The following NME1 variants were observed in gnomAD, a reference collection of about 807,000 sequenced individuals.
The protein encoded by NME1 is NME/NM23 nucleoside diphosphate kinase 1.
In NME1, 9 loss-of-function variants were observed where a neutral mutation model predicts 17.2. The observed-to-expected ratio is 0.52, with a 90% CI of 0.32 to 0.92. The LOEUF is 0.92. Ranked by LOEUF, NME1 falls within the 40% of genes least tolerant of loss-of-function variation. The pLI, the probability that NME1 is intolerant of heterozygous loss-of-function variation, is 0.04. For missense variants in NME1, 169 were observed against 201.7 expected, an observed-to-expected ratio of 0.84 and a Z score of 0.98; for synonymous variants, 72 against 70.8, an observed-to-expected ratio of 1.02 and a Z score of -0.09.
In NME1 at chr17:51,154,266, G is replaced by A. The variant is rs11556835; in HGVS notation, c.-5+604G>A. ...CCATAGAGTCTCTACACAGGACTAAGTCAGCCTGGTGTGCAGGGGAGGCAG... is the reference window on the plus strand; with the variant it reads ...CCATAGAGTCTCTACACAGGACTAAATCAGCCTGGTGTGCAGGGGAGGCAG... On this transcript the variant is annotated intron_variant, in intron 1 of 4. Coordinates refer to ENST00000393196, the MANE Select transcript of NME1 (RefSeq NM_000269.3). 0.5 allele frequency: 486,886 copies of A among 980,686 alleles called. 123,333 individuals carry two copies. The highest frequency in any genetic ancestry group is 0.67 in the African/African-American group (42,044 of 62,730). 60.7% of individuals were successfully genotyped at this position (980,686 alleles called of 1,614,324 possible). A position where few individuals can be genotyped will look rare whatever the true frequency, so the allele number is the denominator to read the frequency against.
chr17:51,157,588 A>T (rs949417093), intron 2 of NME1, among the ~76,000 whole-genome samples: 2 of 152,110 alleles, frequency 1.3e-5, no homozygotes, highest in Admixed American at 6.5e-5. Context: ...CATGAGATGG[A>T]TGTGTTGTTG....
chr17:51,158,794 C>G (rs1358037454), intron 2 of NME1, among the ~76,000 whole-genome samples: 2 of 152,216 alleles, frequency 1.3e-5, no homozygotes, highest in African/African-American at 4.8e-5. Flanking sequence ...ATATGCAGTA[C>G]AAGAGAGAAC....
In NME1 at chr17:51,161,982, C is replaced by A; in HGVS notation, c.*137C>A. ...GGAAGCTCTTGGAGCTGTGAGTTCT[C>A]CCTGTACAGTGTTACCATCCCCGAC... On this transcript the variant is annotated 3_prime_UTR_variant, in exon 5 of 5. Coordinates refer to ENST00000393196, the MANE Select transcript of NME1 (RefSeq NM_000269.3). 5.7e-6 allele frequency: 4 copies of A among 697,268 alleles called. 1 individual carries two copies. The Middle Eastern group carries it at 1.2e-3, about 212-fold the overall frequency. 43.2% of individuals were successfully genotyped at this position (697,268 alleles called of 1,614,324 possible).
At position 51,154,210 on chromosome 17, in the gene NME1, C is replaced by T. The variant is rs749631253; in HGVS notation, c.-5+548C>T. The T allele has an allele frequency of 2.2e-5, 14 of 623,698 alleles. 1 individual carries two copies. Among genetic ancestry groups the T allele is most frequent in the Non-Finnish European group, 4.2e-5 (14 of 335,802 alleles). 38.6% of individuals were successfully genotyped at this position (623,698 alleles called of 1,614,324 possible). A position where few individuals can be genotyped will look rare whatever the true frequency, so the allele number is the denominator to read the frequency against. On this transcript the variant is annotated intron_variant, in intron 1 of 4. Transcript: ENST00000393196. ...ATGGTGATAAATGATTTTCTTTGCT[C>T]CTATTGACTGCTAGGCCCTGTGGCT...
At chr17:51,159,052 C>T (rs2049826989) in intron 2 of NME1, among the ~76,000 whole-genome samples, 1 of 152,168 alleles carries the variant, frequency 6.6e-6, no homozygotes, top group Non-Finnish European at 1.5e-5. Context: ...GTTTAGTTTG[C>T]TGCTCATTAA....
chr17:51,153,842 C>G (rs538136649), intron 1 of NME1, 180 bp downstream of exon 1: 1 of 167,124 alleles, frequency 6.0e-6, no homozygotes, highest in East Asian at 1.7e-4. Flanking sequence ...CGTCCCACGC[C>G]ACGTGGACTC....
Position 51,162,024 on chromosome 17 carries a change from T to G in NME1, c.*179T>G, listed in dbSNP as rs1009282303. 1.4e-5 allele frequency: 8 copies of G among 590,250 alleles called. No individual in the cohort carries two copies. The African/African-American group carries it at 1.5e-4, about 11-fold the overall frequency. The allele number at this position is 590,250 out of a possible 1,614,324, so 36.6% of individuals were successfully genotyped here. ...ATCCCCGACCATCTGATTAAAATGC[T>G]TCCTCCCAGCATAGGATTCATTGAG... is the stretch of plus-strand genomic sequence containing the variant. On this transcript the variant is annotated 3_prime_UTR_variant, in exon 5 of 5. Coordinates refer to ENST00000393196, the MANE Select transcript of NME1 (RefSeq NM_000269.3).
Position 51,155,216 on chromosome 17 carries a change from T to C in NME1, c.-4-435T>C, listed in dbSNP as rs1016619360. Reference sequence around the variant, plus strand: ...AAGGTCGCACCACTGCACTCCATCCTGGGCGAAAGAGCAAGACTCCATACC... The same window carrying C: ...AAGGTCGCACCACTGCACTCCATCCCGGGCGAAAGAGCAAGACTCCATACC... On this transcript the variant is annotated intron_variant, in intron 1 of 4. Coordinates refer to ENST00000393196, the MANE Select transcript of NME1 (RefSeq NM_000269.3). 4.3e-5 allele frequency among the ~76,000 whole-genome samples: 6 copies of C among 139,348 alleles called. No individual in the cohort carries two copies. In the Admixed American group the frequency reaches 4.7e-4, roughly 11 times the overall value. The allele number at this position is 139,348 out of a possible 152,430, so 91.4% of individuals were successfully genotyped here. A position where few individuals can be genotyped will look rare whatever the true frequency, so the allele number is the denominator to read the frequency against.
chr17:51,160,903 C>T (rs1308386820), intron 3 of NME1, among the ~76,000 whole-genome samples: 1 of 152,120 alleles, frequency 6.6e-6, no homozygotes, highest in Non-Finnish European at 1.5e-5. Flanking sequence ...AGCCACTGCG[C>T]CCTGCCCACA....
rs138270461 is a variant in NME1 at position 51,161,188 on chromosome 17, C to T, written c.257C>T (p.Thr86Met). 147 of 1,612,144 alleles carry T rather than the reference C, an allele frequency of 9.1e-5. 3 individuals are homozygous for T. In the African/African-American group the frequency reaches 1.2e-3, roughly 14 times the overall value. Reference sequence around the variant, plus strand: ...TGGGAGGGGCTGAATGTGGTGAAGACGGGCCGAGTCATGCTCGGGGAGACC... The same window carrying T: ...TGGGAGGGGCTGAATGTGGTGAAGATGGGCCGAGTCATGCTCGGGGAGACC... ...MVWEGLNVVK[T>M]GRVMLGETNP... Residue 86 changes from threonine (T) to methionine (M), a missense_variant, in exon 4 of 5, where the codon ACG (threonine) becomes ATG (methionine). Physicochemically the swap from Thr to Met is moderately conservative, Grantham distance 81. Transcript: ENST00000393196.
Position 51,162,039 on chromosome 17 carries a change from G to C in NME1, c.*194G>C. On this transcript the variant is annotated 3_prime_UTR_variant, in exon 5 of 5. Coordinates refer to ENST00000393196, the MANE Select transcript of NME1 (RefSeq NM_000269.3). ...ATTAAAATGCTTCCTCCCAGCATAG[G>C]ATTCATTGAGTTGGTTACTTCATAT... 3.5e-6 allele frequency: 2 copies of C among 568,078 alleles called. No homozygotes were observed. Among genetic ancestry groups the C allele is most frequent in the Non-Finnish European group, 6.3e-6 (2 of 316,350 alleles). 35.2% of individuals were successfully genotyped at this position (568,078 alleles called of 1,614,324 possible). A position where few individuals can be genotyped will look rare whatever the true frequency, so the allele number is the denominator to read the frequency against.
rs896186372 is a variant in NME1 at position 51,155,941 on chromosome 17, A to C, written c.126+161A>C. On this transcript the variant is annotated intron_variant, in intron 2 of 4. Transcript: ENST00000393196. ...CTCCTCAGTGCCCTAGCGTTTGGCTACATCTTGGAACAAACCAAGTTATTT... is the reference window on the plus strand; with the variant it reads ...CTCCTCAGTGCCCTAGCGTTTGGCTCCATCTTGGAACAAACCAAGTTATTT... 8 of 1,103,222 alleles carry C rather than the reference A, an allele frequency of 7.3e-6. No homozygotes were observed. The African/African-American group carries it at 1.1e-4, about 15-fold the overall frequency. 68.3% of individuals were successfully genotyped at this position (1,103,222 alleles called of 1,614,324 possible).
chr17:51,161,355 C>A, intron 4 of NME1, 83 bp downstream of exon 4: 1 of 1,239,154 alleles, frequency 8.1e-7, no homozygotes, highest in Non-Finnish European at 1.2e-6. Flanking sequence ...TGGAGGTAGA[C>A]ATGATACCAT....
chr17:51,154,294 A>C, intron 1 of NME1: 1 of 1,341,054 alleles, frequency 7.5e-7, no homozygotes, highest in Admixed American at 1.7e-5. Context: ...GGAGGCAGAC[A>C]CACAAACAGA....
At chr17:51,161,533 C>T (rs1039857279) in intron 4 of NME1, 195 bp from the exon 5 acceptor site, 10 of 670,928 alleles carry the variant, frequency 1.5e-5, no homozygotes, top group Admixed American at 4.8e-5. Context: ...TTTGCACCAG[C>T]GTGGCCGGGA....
chr17:51,157,317 A>C (rs899097581), intron 2 of NME1, among the ~76,000 whole-genome samples: 1 of 152,198 alleles, frequency 6.6e-6, no homozygotes, highest in Admixed American at 6.5e-5. Flanking sequence ...GCTGGCATCT[A>C]ATGAAGGTTT....
intron 4 of NME1, 60 bp from the exon 5 acceptor site, chr17:51,161,668 C>T: frequency 8.2e-7 from 1 of 1,220,784 alleles, no homozygotes; most frequent in Non-Finnish European, 1.2e-6. Context: ...AGATTTCTGG[C>T]AATGGGCGCA....
At chr17:51,154,487 C>A (rs370847734) in intron 1 of NME1, 8 of 1,528,478 alleles carry the variant, frequency 5.2e-6, no homozygotes, top group Non-Finnish European at 6.4e-6. Context: ...GGGATCTGGA[C>A]GGAATAGTTA....
chr17:51,160,396 A>G, intron 3 of NME1: 1 of 415,790 alleles, frequency 2.4e-6, no homozygotes, highest in South Asian at 2.0e-5. Context: ...TTTCCAGCCA[A>G]GCAAACAGCA....
Sources: allele counts gnomAD v4.1 joint callset (sites outside exome capture counted in the v4.1 genomes callset), GRCh38; gene constraint gnomAD v4.1.1; transcripts MANE v1.5; gene names NCBI Gene and HGNC (gene_info 2026-07-23, HGNC 2026-07-21).